The following PCSK1 variants were observed in gnomAD, a reference collection of about 807,000 sequenced individuals.
The protein encoded by PCSK1 is proprotein convertase subtilisin/kexin type 1.
In PCSK1, 56 loss-of-function variants were observed where a neutral mutation model predicts 90.6. That is an observed-to-expected ratio of 0.62 (90% CI 0.50 to 0.77). The LOEUF (loss-of-function observed/expected upper bound fraction) is 0.77, where lower values mean the gene tolerates loss of function less well. Among genes scored for constraint, PCSK1 ranks in the 30% least tolerant of loss-of-function variants. The pLI, the probability that PCSK1 is intolerant of heterozygous loss-of-function variation, is 0.00. For synonymous variants in PCSK1, 348 were observed against 342.4 expected (o/e 1.02, Z -0.18); for missense variants, 801 against 932.6 (o/e 0.86, Z 1.84).
At position 96,405,035 on chromosome 5, in the gene PCSK1, G is replaced by T. The variant is rs531741395; in HGVS notation, c.1196+3188C>A. Among the ~76,000 whole-genome samples, 25 of 152,240 alleles carry T rather than the reference G, an allele frequency of 1.6e-4. No homozygotes were observed. In the South Asian group the frequency reaches 5.2e-3, roughly 32 times the overall value. On this transcript the variant is annotated intron_variant, in intron 9 of 13. Coordinates refer to ENST00000311106, the MANE Select transcript of PCSK1 (RefSeq NM_000439.5). ...TGATTTTCTCATTCTTGAGTGCCTTGGGATAAAGCTTGGTCACATGTCTAG... is the reference window on the plus strand; with the variant it reads ...TGATTTTCTCATTCTTGAGTGCCTTTGGATAAAGCTTGGTCACATGTCTAG...
chr5:96,395,345 T>A (rs901463411), intron 12 of PCSK1, among the ~76,000 whole-genome samples: 1 of 152,194 alleles, frequency 6.6e-6, no homozygotes, highest in Non-Finnish European at 1.5e-5. Context: ...TATCAACTTA[T>A]AGAAACATTC....
chr5:96,412,181 A>G, intron 7 of PCSK1, 137 bp downstream of exon 7: 1 of 825,044 alleles, frequency 1.2e-6, no homozygotes, highest in South Asian at 1.5e-5. Flanking sequence ...TGGCCCTCTA[A>G]GTGCATTTAA....
At chr5:96,418,114 C>G (rs1325528028) in intron 5 of PCSK1, among the ~76,000 whole-genome samples, 1 of 152,180 alleles carries the variant, frequency 6.6e-6, no homozygotes, top group Non-Finnish European at 1.5e-5. Flanking sequence ...GACGACTATT[C>G]TCTAGTGAGA....
chr5:96,424,961 C>CA (rs58930420), intron 3 of PCSK1, among the ~76,000 whole-genome samples: 41,497 of 94,588 alleles, frequency 0.44, 8,363 homozygotes, highest in East Asian at 0.53. Context: ...AAAACTCTGT[C>CA]AAAAAAAAAA....
intron 12 of PCSK1, among the ~76,000 whole-genome samples, chr5:96,396,865 A>T (rs13168460): frequency 0.23 from 35,414 of 152,200 alleles, 4,387 homozygotes; most frequent in South Asian, 0.31. Context: ...AAAACTGTTT[A>T]AAAAAGTCAT....
chr5:96,403,264 CTTTT>C (rs1009896263), intron 9 of PCSK1, among the ~76,000 whole-genome samples: 3 of 152,006 alleles, frequency 2.0e-5, no homozygotes, highest in African/African-American at 7.2e-5. Context: ...ACCTATTTTT[CTTTT>C]TTTATTATTA....
chr5:96,397,031 C>T (rs1482802139), intron 12 of PCSK1, among the ~76,000 whole-genome samples: 2 of 152,138 alleles, frequency 1.3e-5, no homozygotes, highest in Non-Finnish European at 2.9e-5. Context: ...ATTTTGTTGG[C>T]TGAATAGGTT....
At chr5:96,419,801 A>G (rs1319908933) in intron 5 of PCSK1, among the ~76,000 whole-genome samples, 1 of 152,086 alleles carries the variant, frequency 6.6e-6, no homozygotes, top group African/African-American at 2.4e-5. Context: ...ATATTCATAT[A>G]TATAAAACAA....
intron 5 of PCSK1, among the ~76,000 whole-genome samples, chr5:96,418,723 G>T (rs1761013233): frequency 6.6e-6 from 1 of 152,160 alleles, no homozygotes; most frequent in Admixed American, 6.5e-5. Flanking sequence ...CTGACAACAT[G>T]CTAGAAGGCA....
intron 9 of PCSK1, among the ~76,000 whole-genome samples, chr5:96,405,771 T>C (rs1332538580): frequency 6.6e-6 from 1 of 152,216 alleles, no homozygotes; most frequent in Non-Finnish European, 1.5e-5. Flanking sequence ...GATTGCACTT[T>C]TACAATTTCA....
chr5:96,424,912 G>A (rs1246060403), intron 3 of PCSK1, among the ~76,000 whole-genome samples: 6 of 148,732 alleles, frequency 4.0e-5, no homozygotes. Flanking sequence ...GCAGTGAGCT[G>A]AGATCATGCC....
chr5:96,392,826 CT>C lies in PCSK1; in HGVS notation c.*174del. 1 of 684,596 alleles carries C rather than the reference CT, an allele frequency of 1.5e-6. No homozygotes were observed. The highest frequency in any genetic ancestry group is 2.6e-6 in the Non-Finnish European group (1 of 389,258). 42.4% of individuals were successfully genotyped at this position (684,596 alleles called of 1,614,324 possible). ...CCTATGATCAATTCTGGAAGTTGAA[CT>C]TCCTGCTTGAGCTCATCCCCTTCAC... On this transcript the variant is annotated 3_prime_UTR_variant, in exon 14 of 14. Transcript: ENST00000311106.
At position 96,423,392 on chromosome 5, in the gene PCSK1, C is replaced by G; in HGVS notation, c.464G>C (p.Gly155Ala). 6.2e-7 allele frequency: 1 copy of G among 1,614,030 alleles called. No homozygotes were observed. The highest frequency in any genetic ancestry group is 8.5e-7 in the Non-Finnish European group (1 of 1,179,904). The change falls in exon 4 of 14, where the codon GGC becomes GCC. Residue 155 changes from glycine (G) to alanine (A), a missense_variant. Transcript: ENST00000311106. The stretch of plus-strand genomic sequence containing the variant: ...GATAACAACTCCTTTGCCCGTAATG[C>G]CTTTTTGCCAAACAGGTATCACATG... Reference protein sequence around the residue: ...DLHVIPVWQKGITGKGVVITV... With the variant: ...DLHVIPVWQKAITGKGVVITV...
At chr5:96,418,335 T>A (rs1212317683) in intron 5 of PCSK1, among the ~76,000 whole-genome samples, 4 of 152,190 alleles carry the variant, frequency 2.6e-5, no homozygotes, top group Admixed American at 1.3e-4. Context: ...ACAAAATGAT[T>A]TGTTTAAAAA....
Position 96,425,895 on chromosome 5 carries a change from T to G in PCSK1, c.321A>C (p.Arg107Ser). ...AGTCCCTTAGAGCTGAACGTTTACT[T>G]CTTTCTTTTTCATACTGTTGTTCAG... Reference protein sequence around the residue: ...IWAEQQYEKERSKRSALRDSA... With the variant: ...IWAEQQYEKESSKRSALRDSA... Residue 107 changes from arginine to serine, a missense_variant, in exon 3 of 14, where the codon AGA becomes AGC. Coordinates refer to ENST00000311106, the MANE Select transcript of PCSK1 (RefSeq NM_000439.5). 6.2e-7 allele frequency: 1 copy of G among 1,612,384 alleles called. No homozygotes were observed. Among genetic ancestry groups the G allele is most frequent in the Non-Finnish European group, 8.5e-7 (1 of 1,178,586 alleles).
intron 1 of PCSK1, chr5:96,432,109 A>C (rs1424538810): frequency 3.3e-6 from 5 of 1,535,304 alleles, no homozygotes; most frequent in African/African-American, 2.7e-5. Flanking sequence ...AAAGAAATAG[A>C]TCCCTTCCCC....
intron 8 of PCSK1, among the ~76,000 whole-genome samples, chr5:96,409,963 T>C (rs1196840321): frequency 6.6e-6 from 1 of 152,216 alleles, no homozygotes; most frequent in African/African-American, 2.4e-5. Flanking sequence ...AAGGTCATTA[T>C]TATAGGGTTC....
At chr5:96,397,498 T>C in intron 11 of PCSK1, 29 bp from the exon 12 acceptor site, 1 of 1,598,262 alleles carries the variant, frequency 6.3e-7, no homozygotes. Flanking sequence ...TTAATGAATG[T>C]CCTAATAGCT....
chr5:96,394,900 G>A lies in PCSK1; in HGVS notation c.1848C>T (p.Asp616=), dbSNP rs1260009454. The A allele has an allele frequency of 6.2e-7, 1 of 1,614,110 alleles. No homozygotes were observed. The highest frequency in any genetic ancestry group is 8.5e-7 in the Non-Finnish European group (1 of 1,179,992). Residue 616 remains aspartate, a synonymous_variant, in exon 13 of 14, where the codon GAC becomes GAT. Transcript: ENST00000311106. ...VYTSYNTVQN[D]RRGVEKMVDP... Reference sequence around the variant, plus strand: ...CCACCATCTTCTCCACCCCTCTTCTGTCATTCTGAACAGTGTTGTAGGACG... The same window carrying A: ...CCACCATCTTCTCCACCCCTCTTCTATCATTCTGAACAGTGTTGTAGGACG...
Sources: gnomAD v4.1 joint callset for allele counts (sites outside exome capture counted in the v4.1 genomes callset) on GRCh38, gnomAD v4.1.1 for gene constraint, MANE v1.5 for transcripts, NCBI Gene and HGNC (gene_info 2026-07-23, HGNC 2026-07-21) for gene names.